The following IDNK variants were observed in gnomAD, a reference collection of about 807,000 sequenced individuals.
The protein encoded by IDNK is gluconokinase.
In IDNK, 9 loss-of-function variants were observed where a neutral mutation model predicts 13.0. That is an observed-to-expected ratio of 0.69 (90% confidence interval 0.42 to 1.21). The LOEUF (loss-of-function observed/expected upper bound fraction) is 1.21, where lower values mean the gene tolerates loss of function less well. Among genes scored for constraint, IDNK ranks in the 50% most tolerant of loss-of-function variants. The probability of loss-of-function intolerance (pLI) is 0.00; values close to 1 mark genes in which losing one functional copy is unlikely to be tolerated. For synonymous variants in IDNK, 92 were observed against 94.9 expected, an observed-to-expected ratio of 0.97 and a Z score of 0.18; for missense variants, 210 against 237.8, an observed-to-expected ratio of 0.88 and a Z score of 0.77.
At chr9:83,631,337 G>A (rs1275118713) in intron 3 of IDNK, among the ~76,000 whole-genome samples, 1 of 151,230 alleles carries the variant, frequency 6.6e-6, no homozygotes, top group African/African-American at 2.4e-5. Flanking sequence ...TGTAAATTAG[G>A]CCAGGCTCAG....
At position 83,632,557 on chromosome 9, in the gene IDNK, C is replaced by CA. The variant is rs61214533; in HGVS notation, c.168+3624dup. 4.1e-3 allele frequency among the ~76,000 whole-genome samples: 322 copies of CA among 78,534 alleles called. 8 individuals carry two copies. The highest frequency in any genetic ancestry group is 7.0e-3 in the Middle Eastern group (1 of 142). The allele number at this position is 78,534 out of a possible 152,430, so 51.5% of individuals were successfully genotyped here. The stretch of plus-strand genomic sequence containing the variant: ...ACTAACATTAACGATAGCTGATGAG[C>CA]AAAAAAAAAAAAAAAAAAAAAAAAA... On this transcript the variant is annotated intron_variant, in intron 3 of 4. Transcript: ENST00000376419.
At position 83,626,177 on chromosome 9, in the gene IDNK, A is replaced by G. The variant is rs190603619; in HGVS notation, c.51-2004A>G. Among the ~76,000 whole-genome samples the G allele has an allele frequency of 1.3e-3, 201 of 152,296 alleles. 1 individual carries two copies. Among genetic ancestry groups the G allele is most frequent in the Middle Eastern group, 3.4e-3 (1 of 294 alleles). ...ACCCACTGGGAGACATATGGACCCC[A>G]AATCTTGATTTGTAATCCTGGGTCT... On this transcript the variant is annotated intron_variant, in intron 1 of 4. Transcript: ENST00000376419.
rs966346740 is a variant in IDNK at position 83,628,950 on chromosome 9, C to G, written c.159C>G (p.Leu53=). 3.7e-6 allele frequency: 6 copies of G among 1,612,664 alleles called. No individual in the cohort carries two copies. The highest frequency in any genetic ancestry group is 4.2e-6 in the Non-Finnish European group (5 of 1,178,778). Residue 53 remains leucine (L), a synonymous_variant, in exon 3 of 5, where the codon CTC becomes CTG. Transcript: ENST00000376419. ...NRRKMGKGIP[L]NDQDRIPWLC... is the part of the protein sequence containing the mutation. ...GGAAGATGGGAAAAGGCATACCGCT[C>G]AATGACCAGGTAACAATTGCTGTCT...
intron 3 of IDNK, among the ~76,000 whole-genome samples, chr9:83,635,174 T>C (rs1467309720): frequency 1.3e-5 from 2 of 152,182 alleles, no homozygotes; most frequent in Non-Finnish European, 2.9e-5. Context: ...CCCCTTGATA[T>C]TGTCAACACA....
At chr9:83,640,616 C>T (rs541958343) in intron 3 of IDNK, among the ~76,000 whole-genome samples, 15 of 152,240 alleles carry the variant, frequency 9.9e-5, no homozygotes, top group East Asian at 5.8e-4. Flanking sequence ...CCAAGGCAGG[C>T]GGATCACCTG....
chr9:83,644,019 C>A lies in IDNK; in HGVS notation c.*239C>A. ...AGTTTAAATTCATCTATAACCAAAT[C>A]AAATGATCAGAGGAAATTCTGTAAT... On this transcript the variant is annotated 3_prime_UTR_variant, in exon 5 of 5. Coordinates refer to ENST00000376419, the MANE Select transcript of IDNK (RefSeq NM_001001551.4). 2.3e-6 allele frequency: 1 copy of A among 427,632 alleles called. No individual in the cohort carries two copies. The allele number at this position is 427,632 out of a possible 1,614,324, so 26.5% of individuals were successfully genotyped here. A position where few individuals can be genotyped will look rare whatever the true frequency, so the allele number is the denominator to read the frequency against.
intron 3 of IDNK, among the ~76,000 whole-genome samples, chr9:83,637,066 A>C (rs976140485): frequency 1.3e-5 from 2 of 152,212 alleles, no homozygotes; most frequent in East Asian, 1.9e-4. Flanking sequence ...CATGACAGTA[A>C]CTGTTGTGAT....
chr9:83,642,521 A>G (rs1458068973), intron 4 of IDNK, among the ~76,000 whole-genome samples: 1 of 150,204 alleles, frequency 6.7e-6, no homozygotes, highest in Non-Finnish European at 1.5e-5. Context: ...AAAAAGGAGT[A>G]TGGCTTCATT....
intron 1 of IDNK, among the ~76,000 whole-genome samples, chr9:83,627,853 CAAAAAAAAA>C (rs149062579): frequency 1.6e-4 from 12 of 73,948 alleles, no homozygotes; most frequent in Middle Eastern, 7.2e-3. Flanking sequence ...ATCCCCACCA[CAAAAAAAAA>C]AAAAAAAAAA....
chr9:83,627,001 T>C (rs919952622), intron 1 of IDNK: 1 of 248,210 alleles, frequency 4.0e-6, no homozygotes. Context: ...ATCACATTGT[T>C]CTGTTTTCAT....
At chr9:83,635,460 A>AAGGC (rs1457998367) in intron 3 of IDNK, among the ~76,000 whole-genome samples, 2 of 152,248 alleles carry the variant, frequency 1.3e-5, no homozygotes, top group Admixed American at 6.5e-5. Context: ...GCCAATGGCC[A>AAGGC]AGGCACCATG....
At position 83,628,804 on chromosome 9, in the gene IDNK, T is replaced by C. The variant is rs529238624; in HGVS notation, c.82-69T>C. The C allele has an allele frequency of 4.6e-6, 5 of 1,095,628 alleles. No homozygotes were observed. The African/African-American group carries it at 6.1e-5, about 13-fold the overall frequency. 67.9% of individuals were successfully genotyped at this position (1,095,628 alleles called of 1,614,324 possible). On this transcript the variant is annotated intron_variant, in intron 2 of 4. Coordinates refer to ENST00000376419, the MANE Select transcript of IDNK (RefSeq NM_001001551.4). Reference sequence around the variant, plus strand: ...TATTGTTTCTACACCTGCCTGTTAGTAATCCCACAATGACTATCACATTGG... The same window carrying C: ...TATTGTTTCTACACCTGCCTGTTAGCAATCCCACAATGACTATCACATTGG...
At chr9:83,626,443 C>A (rs1261692296) in intron 1 of IDNK, 5 of 312,556 alleles carry the variant, frequency 1.6e-5, no homozygotes, top group Non-Finnish European at 3.2e-5. Context: ...TTGAGACAGA[C>A]TCTCACTCTG....
At chr9:83,637,746 A>G (rs1047748378) in intron 3 of IDNK, among the ~76,000 whole-genome samples, 2 of 152,242 alleles carry the variant, frequency 1.3e-5, no homozygotes, top group African/African-American at 4.8e-5. Context: ...ATGGGAGATA[A>G]GATTGTAAGC....
At chr9:83,624,575 C>T (rs1283000109) in intron 1 of IDNK, among the ~76,000 whole-genome samples, 1 of 152,132 alleles carries the variant, frequency 6.6e-6, no homozygotes, top group African/African-American at 2.4e-5. Context: ...TCAGGGATGT[C>T]TCCTCTGGGG....
At chr9:83,637,773 G>C (rs1831203481) in intron 3 of IDNK, among the ~76,000 whole-genome samples, 1 of 152,188 alleles carries the variant, frequency 6.6e-6, no homozygotes, top group Non-Finnish European at 1.5e-5. Context: ...GAAGCATGGA[G>C]CTGGACCTGA....
chr9:83,643,009 T>C (rs1473444970), intron 4 of IDNK, among the ~76,000 whole-genome samples: 1 of 152,216 alleles, frequency 6.6e-6, no homozygotes, highest in Non-Finnish European at 1.5e-5. Context: ...GCAGAGGACC[T>C]GAGCTTGGCT....
At chr9:83,632,474 G>C (rs989209525) in intron 3 of IDNK, among the ~76,000 whole-genome samples, 1 of 144,106 alleles carries the variant, frequency 6.9e-6, no homozygotes, top group Non-Finnish European at 1.5e-5. Flanking sequence ...GTGTCCAGTC[G>C]TTTGGCTTCC....
Position 83,644,083 on chromosome 9 carries a change from C to T in IDNK, c.*303C>T, listed in dbSNP as rs983595978. The T allele has an allele frequency of 6.6e-6, 2 of 301,966 alleles. No homozygotes were observed. The highest frequency in any genetic ancestry group is 3.8e-5 in the South Asian group (1 of 26,104). 18.7% of individuals were successfully genotyped at this position (301,966 alleles called of 1,614,324 possible). A position where few individuals can be genotyped will look rare whatever the true frequency, so the allele number is the denominator to read the frequency against. On this transcript the variant is annotated 3_prime_UTR_variant, in exon 5 of 5. Coordinates refer to ENST00000376419, the MANE Select transcript of IDNK (RefSeq NM_001001551.4). Reference sequence around the variant, plus strand: ...CGTTACATTGTTTAGAACATTCTTGCTCATGCCTGTATTTGCACAAATAAA... The same window carrying T: ...CGTTACATTGTTTAGAACATTCTTGTTCATGCCTGTATTTGCACAAATAAA...
Sources: gnomAD v4.1 joint callset for allele counts (sites outside exome capture counted in the v4.1 genomes callset) on GRCh38, gnomAD v4.1.1 for gene constraint, MANE v1.5 for transcripts, NCBI Gene and HGNC (gene_info 2026-07-23, HGNC 2026-07-21) for gene names.